Variants in ACAD8 observed in about 807,000 individuals in gnomAD.
ACAD8 encodes acyl-CoA dehydrogenase family member 8.
A neutral mutation model predicts 53.1 loss-of-function variants in ACAD8; 47 were observed. That is an observed-to-expected ratio of 0.89 (90% CI 0.70 to 1.13). The LOEUF (loss-of-function observed/expected upper bound fraction) is 1.13, where lower values mean the gene tolerates loss of function less well. ACAD8 is among the 50% of genes most tolerant of loss of function. The probability of loss-of-function intolerance (pLI) is 0.00; values close to 1 mark genes in which losing one functional copy is unlikely to be tolerated. For synonymous variants in ACAD8, 198 were observed against 201.3 expected, an observed-to-expected ratio of 0.98 and a Z score of 0.14; for missense variants, 494 against 535.0, an observed-to-expected ratio of 0.92 and a Z score of 0.76.
Position 134,261,658 on chromosome 11 carries a change from G to A in ACAD8, c.940-80G>A, listed in dbSNP as rs1344781257. 1.2e-6 allele frequency: 2 copies of A among 1,603,242 alleles called. No homozygotes were observed. The highest frequency in any genetic ancestry group is 1.1e-5 in the South Asian group (1 of 90,342). The stretch of plus-strand genomic sequence containing the variant: ...GATCACTTAGAAAAGGCGCCTCCGA[G>A]ATGTCTTACCGAGGCTCCTGCACCA... On this transcript the variant is annotated intron_variant, in intron 8 of 10. Coordinates refer to ENST00000281182, the MANE Select transcript of ACAD8 (RefSeq NM_014384.3). The surrounding 1 kb of genome is among the most constrained non-coding windows in gnomAD (Gnocchi z 4.2).
intron 1 of ACAD8, 43 bp downstream of exon 1, chr11:134,253,752 C>T: frequency 1.3e-6 from 2 of 1,537,406 alleles, no homozygotes; most frequent in Non-Finnish European, 1.8e-6. Flanking sequence ...GTCCAGAACC[C>T]CGGCGGACAT....
Position 134,259,660 on chromosome 11 carries a change from C to G in ACAD8, c.620C>G (p.Thr207Arg), listed in dbSNP as rs1170959795. The G allele has an allele frequency of 6.2e-7, 1 of 1,614,192 alleles. No homozygotes were observed. ...ESDIYVVMCRTGGPGPKGISC... is the reference protein window; with the variant it reads ...ESDIYVVMCRRGGPGPKGISC... ...GACATCTATGTGGTCATGTGCCGAA[C>G]AGGAGGACCAGGCCCCAAGGGCATC... The change falls in exon 6 of 11, where the codon ACA becomes AGA. Residue 207 changes from threonine to arginine, a missense_variant. Coordinates refer to ENST00000281182, the MANE Select transcript of ACAD8 (RefSeq NM_014384.3).
chr11:134,256,702 C>G, intron 2 of ACAD8, 54 bp downstream of exon 2: 1 of 1,476,696 alleles, frequency 6.8e-7, no homozygotes, highest in East Asian at 2.3e-5. Context: ...TCAGGCAGAC[C>G]TTTATCTTTG....
In ACAD8 at chr11:134,257,155, C is replaced by T; in HGVS notation, c.278C>T (p.Thr93Ile). 6.2e-7 allele frequency: 1 copy of T among 1,614,164 alleles called. No homozygotes were observed. The highest frequency in any genetic ancestry group is 8.5e-7 in the Non-Finnish European group (1 of 1,180,044). The change falls in exon 3 of 11, where the codon ACA (threonine) becomes ATA (isoleucine). Residue 93 changes from threonine (T) to isoleucine (I), a missense_variant. By Grantham distance (89) the Thr-to-Ile change is moderately conservative (BLOSUM62 -1). Coordinates refer to ENST00000281182, the MANE Select transcript of ACAD8 (RefSeq NM_014384.3). ...GGCTTCGGAGGGGTCTACATACAAA[C>T]AGATGTGGGCGGGTCTGGGCTGTCA... is the stretch of plus-strand genomic sequence containing the variant. Reference protein sequence around the residue: ...QLGFGGVYIQTDVGGSGLSRL... With the variant: ...QLGFGGVYIQIDVGGSGLSRL...
intron 6 of ACAD8, 53 bp downstream of exon 6, chr11:134,259,798 C>T (rs1029098047): frequency 6.2e-7 from 1 of 1,613,330 alleles, no homozygotes; most frequent in Non-Finnish European, 8.5e-7. Context: ...CTGCCACCTG[C>T]CAGCCCAACT....
At position 134,259,605 on chromosome 11, in the gene ACAD8, C is replaced by T. The variant is rs773395894; in HGVS notation, c.568-3C>T. ...TCCTTTTGCACCCCTTTTACCCCCA[C>T]AGGCCTTCATCAGTGGTGCTGGTGA... On this transcript the variant is annotated splice_region_variant and splice_polypyrimidine_tract_variant and intron_variant, in intron 5 of 10. Coordinates refer to ENST00000281182, the MANE Select transcript of ACAD8 (RefSeq NM_014384.3). The T allele has an allele frequency of 3.1e-6, 5 of 1,614,038 alleles. No individual in the cohort carries two copies. In the East Asian group the frequency reaches 8.9e-5, roughly 29 times the overall value.
intron 6 of ACAD8, chr11:134,260,221 T>C: frequency 3.7e-6 from 4 of 1,082,872 alleles, no homozygotes; most frequent in Non-Finnish European, 4.5e-6. Flanking sequence ...GTAAGTAATT[T>C]GAAAAGTAAG....
At chr11:134,259,784 G>A in intron 6 of ACAD8, 39 bp downstream of exon 6, 2 of 1,614,024 alleles carry the variant, frequency 1.2e-6, no homozygotes, top group Non-Finnish European at 1.7e-6. Context: ...CAGGTTATGA[G>A]ACTCTGCCAC....
intron 10 of ACAD8, chr11:134,263,205 G>A: frequency 9.8e-7 from 1 of 1,018,118 alleles, no homozygotes. Flanking sequence ...AGCCAGTGCG[G>A]AAGTCTTGAA....
chr11:134,262,946 T>G, intron 10 of ACAD8: 2 of 1,264,502 alleles, frequency 1.6e-6, no homozygotes, highest in Non-Finnish European at 2.0e-6. Context: ...GGTTATCGAG[T>G]ACGTGGTTCT....
At chr11:134,260,025 C>G (rs1221158177) in intron 6 of ACAD8, 2 of 1,270,588 alleles carry the variant, frequency 1.6e-6, no homozygotes, top group African/African-American at 3.1e-5. Context: ...TGTTCCTTAT[C>G]CAGCTGCTTA....
chr11:134,261,404 C>T lies in ACAD8; in HGVS notation c.939+32C>T, dbSNP rs1939873773. ...TCTGCCTTGCCTCCACATGGCTTTG[C>T]ACTATTTGCAGCCCGGGACCTGCTC... On this transcript the variant is annotated intron_variant, in intron 8 of 10. Transcript: ENST00000281182. The surrounding 1 kb of genome is among the most constrained non-coding windows in gnomAD (Gnocchi z 4.2). 6.2e-7 allele frequency: 1 copy of T among 1,608,168 alleles called. No individual in the cohort carries two copies. Among genetic ancestry groups the T allele is most frequent in the African/African-American group, 1.3e-5 (1 of 74,774 alleles).
At chr11:134,264,259 C>G (rs765143580) in intron 10 of ACAD8, among the ~76,000 whole-genome samples, 10 of 152,108 alleles carry the variant, frequency 6.6e-5, no homozygotes, top group Non-Finnish European at 1.3e-4. Context: ...GCAGGAAGAT[C>G]GCTTGAACCC....
Position 134,261,448 on chromosome 11 carries a change from G to T in ACAD8, c.939+76G>T. On this transcript the variant is annotated intron_variant, in intron 8 of 10. Transcript: ENST00000281182. The surrounding 1 kb of genome is among the most constrained non-coding windows in gnomAD (Gnocchi z 4.2). ...CCTGCTCTAGGGCCCACATTTCCAG[G>T]AGAGAAGCCAGGAAATTCCTCTGTC... The T allele has an allele frequency of 6.4e-7, 1 of 1,568,092 alleles. No homozygotes were observed. Among genetic ancestry groups the T allele is most frequent in the African/African-American group, 1.4e-5 (1 of 73,982 alleles).
chr11:134,256,995 C>A, intron 2 of ACAD8, 93 bp from the exon 3 acceptor site: 1 of 1,310,666 alleles, frequency 7.6e-7, no homozygotes, highest in Non-Finnish European at 1.1e-6. Flanking sequence ...TACGCTGTCG[C>A]ATGTGCAAGC....
In ACAD8 at chr11:134,253,597, G is replaced by A. The variant is rs1322726356; in HGVS notation, c.-4G>A. The A allele has an allele frequency of 6.3e-6, 10 of 1,580,040 alleles. No homozygotes were observed. Among genetic ancestry groups the A allele is most frequent in the Non-Finnish European group, 7.7e-6 (9 of 1,165,430 alleles). ...TCTTAGCTGAACGCGGAGCTGCGGC[G>A]GCTATGCTGTGGAGCGGCTGCCGGC... On this transcript the variant is annotated 5_prime_UTR_variant, in exon 1 of 11. Coordinates refer to ENST00000281182, the MANE Select transcript of ACAD8 (RefSeq NM_014384.3).
intron 10 of ACAD8, chr11:134,264,146 AC>A (rs1940059904): frequency 1.3e-6 from 1 of 754,874 alleles, no homozygotes; most frequent in Non-Finnish European, 1.6e-6. Flanking sequence ...GGAGTTCGAG[AC>A]CAGCTTGGCC....
Position 134,258,584 on chromosome 11 carries a change from T to G in ACAD8, c.450T>G (p.Cys150Trp), listed in dbSNP as rs752810983. 1 of 1,614,124 alleles carries G rather than the reference T, an allele frequency of 6.2e-7. No individual in the cohort carries two copies. Among genetic ancestry groups the G allele is most frequent in the Non-Finnish European group, 8.5e-7 (1 of 1,180,012 alleles). ...GGCACAAATTTTGCCCACCGCTCTGTACCATGGAGAAGTTTGCTTCCTACT... is the reference window on the plus strand; with the variant it reads ...GGCACAAATTTTGCCCACCGCTCTGGACCATGGAGAAGTTTGCTTCCTACT... Reference protein sequence around the residue: ...EQRHKFCPPLCTMEKFASYCL... With the variant: ...EQRHKFCPPLWTMEKFASYCL... Residue 150 changes from cysteine (C) to tryptophan (W), a missense_variant, in exon 4 of 11, where the codon TGT (cysteine) becomes TGG (tryptophan). Coordinates refer to ENST00000281182, the MANE Select transcript of ACAD8 (RefSeq NM_014384.3).
At chr11:134,257,291 G>A in intron 3 of ACAD8, 34 bp downstream of exon 3, 1 of 1,611,058 alleles carries the variant, frequency 6.2e-7, no homozygotes, top group Non-Finnish European at 8.5e-7. Context: ...ACAATGAAGT[G>A]CTCACTCGGG....
Sources: allele counts gnomAD v4.1 joint callset (sites outside exome capture counted in the v4.1 genomes callset), GRCh38; gene constraint gnomAD v4.1.1; non-coding constraint Gnocchi (gnomAD v3.1); transcripts MANE v1.5; gene names NCBI Gene and HGNC (gene_info 2026-07-23, HGNC 2026-07-21).